The following ATRNL1 variants were observed in gnomAD, a reference collection of about 807,000 sequenced individuals.
ATRNL1 encodes attractin-like protein 1.
ATRNL1 carries 95 observed loss-of-function variants against 182.7 expected under a neutral mutation model. That is an observed-to-expected ratio of 0.52 (90% confidence interval 0.44 to 0.62). The LOEUF is 0.62. Among genes scored for constraint, ATRNL1 ranks in the 20% least tolerant of loss-of-function variants. The pLI, the probability that ATRNL1 is intolerant of heterozygous loss-of-function variation, is 0.00. For synonymous variants in ATRNL1, 576 were observed against 568.3 expected (o/e 1.01, Z -0.19); for missense variants, 1,471 against 1,679.5 (o/e 0.88, Z 2.17).
intron 26 of ATRNL1, among the ~76,000 whole-genome samples, chr10:115,654,631 C>T (rs1860223669): frequency 6.6e-6 from 1 of 152,128 alleles, no homozygotes; most frequent in Non-Finnish European, 1.5e-5. Flanking sequence ...TTAAGTAAGA[C>T]ACTGTGTTTT....
At chr10:115,478,985 A>G (rs994406089) in intron 24 of ATRNL1, among the ~76,000 whole-genome samples, 2 of 151,568 alleles carry the variant, frequency 1.3e-5, no homozygotes, top group African/African-American at 4.8e-5. Flanking sequence ...CATGCCAATC[A>G]AGCAATTATT....
chr10:115,707,249 A>G (rs1214513804), intron 26 of ATRNL1, among the ~76,000 whole-genome samples: 1 of 151,850 alleles, frequency 6.6e-6, no homozygotes, highest in Non-Finnish European at 1.5e-5. Flanking sequence ...AGAGACATCA[A>G]AATAACAGCT....
chr10:115,640,728 G>T (rs1463321297), intron 26 of ATRNL1, among the ~76,000 whole-genome samples: 1 of 152,102 alleles, frequency 6.6e-6, no homozygotes, highest in African/African-American at 2.4e-5. Flanking sequence ...TAGGTTGCCT[G>T]TTCGCTGATG....
chr10:115,886,429 G>A (rs1359879043), intron 28 of ATRNL1, among the ~76,000 whole-genome samples: 4 of 152,140 alleles, frequency 2.6e-5, no homozygotes, highest in African/African-American at 9.7e-5. Context: ...CAGGAGAATC[G>A]CTTGAACCCG....
intron 28 of ATRNL1, among the ~76,000 whole-genome samples, chr10:115,922,373 TTAAGA>T (rs1399859241): frequency 1.3e-5 from 2 of 152,190 alleles, no homozygotes; most frequent in South Asian, 2.1e-4. Context: ...TTAAATATAC[TTAAGA>T]TAAAATAATA....
At chr10:115,617,790 T>C (rs1555021316) in intron 26 of ATRNL1, among the ~76,000 whole-genome samples, 2 of 152,216 alleles carry the variant, frequency 1.3e-5, no homozygotes, top group African/African-American at 4.8e-5. Flanking sequence ...AAGGCATGAT[T>C]GTATTTTGAA....
intron 23 of ATRNL1, among the ~76,000 whole-genome samples, chr10:115,468,022 A>T (rs782407670): frequency 6.6e-6 from 1 of 150,806 alleles, no homozygotes; most frequent in Non-Finnish European, 1.5e-5. Context: ...CTATTTTAAT[A>T]TGTAGAATAT....
intron 19 of ATRNL1, among the ~76,000 whole-genome samples, chr10:115,376,905 G>T (rs1343316638): frequency 6.6e-6 from 1 of 151,858 alleles, no homozygotes; most frequent in Non-Finnish European, 1.5e-5. Context: ...ATTTTAAAAA[G>T]AATCATTTTT....
intron 3 of ATRNL1, among the ~76,000 whole-genome samples, chr10:115,125,727 T>C (rs1486808488): frequency 6.6e-6 from 1 of 152,208 alleles, no homozygotes; most frequent in Non-Finnish European, 1.5e-5. Context: ...TTGCTTTCAC[T>C]TCCAACCATT....
chr10:115,531,327 G>A (rs184522346), intron 25 of ATRNL1, among the ~76,000 whole-genome samples: 1 of 151,990 alleles, frequency 6.6e-6, no homozygotes, highest in Admixed American at 6.5e-5. Context: ...ATTCTGACTG[G>A]TGTGAGATGG....
chr10:115,940,545 A>C (rs1953695707), intron 28 of ATRNL1, among the ~76,000 whole-genome samples: 1 of 152,184 alleles, frequency 6.6e-6, no homozygotes, highest in Non-Finnish European at 1.5e-5. Flanking sequence ...TAACTGCTAC[A>C]TTTAGGGGAC....
rs536195531 is a variant in ATRNL1 at position 115,476,857 on chromosome 10, G to A, written c.3654+7528G>A. Among the ~76,000 whole-genome samples the A allele has an allele frequency of 4.0e-5, 6 of 150,932 alleles. No individual in the cohort carries two copies. In the South Asian group the frequency reaches 1.0e-3, roughly 26 times the overall value. On this transcript the variant is annotated intron_variant, in intron 24 of 28. Transcript: ENST00000355044. ...AGAAATTACTCTTTTCTTACAACTG[G>A]CATATTCTTTAACTTATCACAGTTT...
At chr10:115,799,882 A>G (rs1390680571) in intron 27 of ATRNL1, among the ~76,000 whole-genome samples, 1 of 152,154 alleles carries the variant, frequency 6.6e-6, no homozygotes, top group Non-Finnish European at 1.5e-5. Context: ...TCTAATGCTC[A>G]CAGTAACCTG....
At chr10:115,585,192 G>A (rs1330024145) in intron 26 of ATRNL1, among the ~76,000 whole-genome samples, 2 of 85,120 alleles carry the variant, frequency 2.3e-5, no homozygotes, top group African/African-American at 8.0e-5. Flanking sequence ...TTTGGAATAG[G>A]TGTGGTGTGG....
At chr10:115,408,424 G>C (rs188783550) in intron 20 of ATRNL1, among the ~76,000 whole-genome samples, 1 of 152,154 alleles carries the variant, frequency 6.6e-6, no homozygotes, top group African/African-American at 2.4e-5. Flanking sequence ...CAATTAGATC[G>C]TTTGTTTTCT....
chr10:115,647,277 T>C (rs1859692802), intron 26 of ATRNL1, among the ~76,000 whole-genome samples: 1 of 152,180 alleles, frequency 6.6e-6, no homozygotes, highest in South Asian at 2.1e-4. Context: ...CATGTGTCTT[T>C]ATAGCAGCAT....
At chr10:115,110,824 G>C (rs1554867766) in intron 1 of ATRNL1, among the ~76,000 whole-genome samples, 3 of 152,156 alleles carry the variant, frequency 2.0e-5, no homozygotes, top group African/African-American at 7.2e-5. Flanking sequence ...AATACAAGGT[G>C]ATTGTCATTT....
chr10:115,135,400 CAGAG>C (rs1209466915), intron 5 of ATRNL1, among the ~76,000 whole-genome samples: 1 of 152,196 alleles, frequency 6.6e-6, no homozygotes, highest in Admixed American at 6.5e-5. Context: ...AACATTCAAA[CAGAG>C]AGCCAAATCA....
chr10:115,477,088 A>G (rs984850511), intron 24 of ATRNL1, among the ~76,000 whole-genome samples: 1 of 151,566 alleles, frequency 6.6e-6, no homozygotes, highest in South Asian at 2.1e-4. Flanking sequence ...AAGTTTTAAC[A>G]TGCAATATAG....
Sources: allele counts gnomAD v4.1 joint callset (sites outside exome capture counted in the v4.1 genomes callset), GRCh38; gene constraint gnomAD v4.1.1; transcripts MANE v1.5; gene names NCBI Gene and HGNC (gene_info 2026-07-23, HGNC 2026-07-21).